NLRP2: variants seen among roughly 807,000 people sequenced by gnomAD.
NLRP2 encodes NACHT, LRR and PYD domains-containing protein 2.
A neutral mutation model predicts 97.2 loss-of-function variants in NLRP2; 107 were observed. That is an observed-to-expected ratio of 1.10 (90% CI 0.94 to 1.29). NLRP2 has a LOEUF of 1.29. Ranked by LOEUF, NLRP2 falls within the 50% of genes most tolerant of loss-of-function variation. NLRP2 has a pLI of 0.00. For synonymous variants in NLRP2, 663 were observed against 551.5 expected (o/e 1.20, Z -2.83); for missense variants, 1,495 against 1,330.3 (o/e 1.12, Z -1.93).
intron 1 of NLRP2, among the ~76,000 whole-genome samples, chr19:54,969,146 C>T (rs1480254898): frequency 2.6e-5 from 4 of 152,032 alleles, no homozygotes; most frequent in South Asian, 2.1e-4. Flanking sequence ...AGAGTGTTTT[C>T]GCTTTATAGG....
chr19:54,970,203 G>A lies in NLRP2; in HGVS notation c.188G>A (p.Cys63Tyr), dbSNP rs748517251. 15 of 1,614,148 alleles carry A rather than the reference G, an allele frequency of 9.3e-6. No individual in the cohort carries two copies. The Admixed American group carries it at 2.5e-4, about 27-fold the overall frequency. The change falls in exon 2 of 13, where the codon TGT becomes TAT. Residue 63 changes from cysteine to tyrosine, a missense_variant. Transcript: ENST00000448584. The stretch of plus-strand genomic sequence containing the variant: ...CTGGTAGAAATCCTCACCACCCATT[G>A]TGACAGCTACTGGGTGGAGATGGCG... ...KQLVEILTTH[C>Y]DSYWVEMASL...
At chr19:54,992,651 A>G (rs542133553) in intron 10 of NLRP2, among the ~76,000 whole-genome samples, 177 of 132,180 alleles carry the variant, frequency 1.3e-3, no homozygotes, top group Non-Finnish European at 2.2e-3. Context: ...TGCAACCTCC[A>G]CCTCCTGAGT....
chr19:54,967,906 T>C (rs867643522), intron 1 of NLRP2, among the ~76,000 whole-genome samples: 3 of 148,516 alleles, frequency 2.0e-5, no homozygotes, highest in African/African-American at 7.5e-5. Context: ...AAAGTTTTTG[T>C]TGCTACTGCT....
chr19:54,977,845 G>A (rs370890934), intron 4 of NLRP2, 22 bp downstream of exon 4: 12 of 1,610,966 alleles, frequency 7.4e-6, no homozygotes, highest in Middle Eastern at 1.7e-4. Flanking sequence ...GACCTCCAAT[G>A]TTGGAGTCAG....
At chr19:54,968,784 C>A (rs918331929) in intron 1 of NLRP2, among the ~76,000 whole-genome samples, 6 of 149,724 alleles carry the variant, frequency 4.0e-5, no homozygotes, top group African/African-American at 1.5e-4. Flanking sequence ...CAACCTCTGC[C>A]TCCCACTCCC....
chr19:54,996,493 A>T (rs1279216187), intron 11 of NLRP2, among the ~76,000 whole-genome samples: 1 of 152,122 alleles, frequency 6.6e-6, no homozygotes, highest in Non-Finnish European at 1.5e-5. Context: ...AGAGAGCAAG[A>T]CTGTCTCAAA....
chr19:54,982,763 G>A lies in NLRP2; in HGVS notation c.1065G>A (p.Arg355=), dbSNP rs2071688064. The A allele has an allele frequency of 6.2e-7, 1 of 1,614,040 alleles. No individual in the cohort carries two copies. Among genetic ancestry groups the A allele is most frequent in the Admixed American group, 1.7e-5 (1 of 59,996 alleles). Residue 355 remains arginine (R), a synonymous_variant, in exon 6 of 13, where the codon AGG becomes AGA. Transcript: ENST00000448584. ...TGGCGGAGGAGCCGATCTACATAAG[G>A]GTGGAGGGCTTCCTGGAGGAGGACA... is the stretch of plus-strand genomic sequence containing the variant. ...RILAEEPIYI[R]VEGFLEEDRR...
chr19:54,986,314 G>A lies in NLRP2; in HGVS notation c.2365G>A (p.Gly789Arg), dbSNP rs369032564. ...TCCAGAATGTAACCTGCGATATCTC[G>A]GGTATATCTCTTAATCATTAAAATC... ...RHPECNLRYL[G>R]LVSCSATTQQ... Residue 789 changes from glycine to arginine, a missense_variant and splice_region_variant, in exon 8 of 13, where the codon GGG becomes AGG. Physicochemically the swap from Gly to Arg is moderately radical, Grantham distance 125. Transcript: ENST00000448584. 1.4e-4 allele frequency: 230 copies of A among 1,611,894 alleles called. No individual in the cohort carries two copies. Among genetic ancestry groups the A allele is most frequent in the Admixed American group, 1.2e-4 (7 of 59,970 alleles).
At chr19:54,993,829 T>C (rs753818267) in intron 10 of NLRP2, 5 of 283,308 alleles carry the variant, frequency 1.8e-5, no homozygotes, top group Non-Finnish European at 3.4e-5. Context: ...CCGTGCCAGC[T>C]GAGAATCCTT....
intron 3 of NLRP2, among the ~76,000 whole-genome samples, chr19:54,976,091 C>T (rs1049678160): frequency 1.3e-5 from 2 of 151,766 alleles, no homozygotes; most frequent in African/African-American, 4.8e-5. Context: ...CTCTGTTGCC[C>T]AGGATGGAAT....
intron 11 of NLRP2, 135 bp downstream of exon 11, chr19:54,994,574 T>C (rs2072701379): frequency 1.1e-6 from 1 of 918,376 alleles, no homozygotes; most frequent in African/African-American, 1.6e-5. Flanking sequence ...GAGCATTTAC[T>C]AGGATGGTTA....
intron 3 of NLRP2, chr19:54,976,966 A>T: frequency 2.8e-6 from 1 of 359,652 alleles, no homozygotes; most frequent in Admixed American, 3.8e-5. Context: ...CAGGTAACAC[A>T]CCACCATGCC....
chr19:55,000,585 TGTC>T (rs1291090159), intron 12 of NLRP2, among the ~76,000 whole-genome samples, 172 bp from the exon 13 acceptor site: 2 of 140,496 alleles, frequency 1.4e-5, no homozygotes, highest in African/African-American at 5.4e-5. Flanking sequence ...CACCTGAGAC[TGTC>T]TTTTAAAAAA....
At chr19:54,995,057 T>TA (rs2072729697) in intron 11 of NLRP2, among the ~76,000 whole-genome samples, 1 of 147,250 alleles carries the variant, frequency 6.8e-6, no homozygotes, top group African/African-American at 2.5e-5. Flanking sequence ...CTCATACCTG[T>TA]AATCCCAGCA....
Position 54,982,746 on chromosome 19 carries a change from G to A in NLRP2, c.1048G>A (p.Glu350Lys). Reference protein sequence around the residue: ...ALRDLRILAEEPIYIRVEGFL... With the variant: ...ALRDLRILAEKPIYIRVEGFL... ...GAGGGACCTCCGGATCCTGGCGGAGGAGCCGATCTACATAAGGGTGGAGGG... is the reference window on the plus strand; with the variant it reads ...GAGGGACCTCCGGATCCTGGCGGAGAAGCCGATCTACATAAGGGTGGAGGG... The change falls in exon 6 of 13, where the codon GAG (glutamate) becomes AAG (lysine). Residue 350 changes from glutamate (E) to lysine (K), a missense_variant. Transcript: ENST00000448584. 1 of 1,613,956 alleles carries A rather than the reference G, an allele frequency of 6.2e-7. No homozygotes were observed. Among genetic ancestry groups the A allele is most frequent in the Non-Finnish European group, 8.5e-7 (1 of 1,179,968 alleles).
chr19:54,988,000 C>T (rs2072211102), intron 8 of NLRP2, among the ~76,000 whole-genome samples: 1 of 152,120 alleles, frequency 6.6e-6, no homozygotes, highest in Non-Finnish European at 1.5e-5. Context: ...GCCAAGATCA[C>T]GCCATTGCAC....
At chr19:54,967,148 G>A (rs1015051329) in intron 1 of NLRP2, among the ~76,000 whole-genome samples, 1 of 147,950 alleles carries the variant, frequency 6.8e-6, no homozygotes, top group African/African-American at 2.5e-5. Flanking sequence ...ATTATAGGCA[G>A]GTGCCACCGC....
chr19:54,972,610 G>A lies in NLRP2; in HGVS notation c.281-1890G>A, dbSNP rs567159107. On this transcript the variant is annotated intron_variant, in intron 2 of 12. Coordinates refer to ENST00000448584, the MANE Select transcript of NLRP2 (RefSeq NM_017852.5). ...CCACTATGGCCTCCCACCACACCTC[G>A]CTCATTCTTGTATATATATATATTT... Among the ~76,000 whole-genome samples, 140 of 151,332 alleles carry A rather than the reference G, an allele frequency of 9.3e-4. 1 individual carries two copies. Among genetic ancestry groups the A allele is most frequent in the African/African-American group, 3.3e-3 (135 of 41,196 alleles).
chr19:54,984,935 G>T lies in NLRP2; in HGVS notation c.2031-112G>T, dbSNP rs1036860763. On this transcript the variant is annotated intron_variant, in intron 6 of 12. Coordinates refer to ENST00000448584, the MANE Select transcript of NLRP2 (RefSeq NM_017852.5). ...GGTGGTGCTAATAAGTGATTACATGGTCCAGCTTTCAATTGTACTCATTTG... is the reference window on the plus strand; with the variant it reads ...GGTGGTGCTAATAAGTGATTACATGTTCCAGCTTTCAATTGTACTCATTTG... 50 of 988,464 alleles carry T rather than the reference G, an allele frequency of 5.1e-5. No homozygotes were observed. The African/African-American group carries it at 7.3e-4, about 14-fold the overall frequency. The allele number at this position is 988,464 out of a possible 1,614,324, so 61.2% of individuals were successfully genotyped here. A position where few individuals can be genotyped will look rare whatever the true frequency, so the allele number is the denominator to read the frequency against.
Sources: allele counts gnomAD v4.1 joint callset (sites outside exome capture counted in the v4.1 genomes callset), GRCh38; gene constraint gnomAD v4.1.1; transcripts MANE v1.5; gene names NCBI Gene and HGNC (gene_info 2026-07-23, HGNC 2026-07-21).